CLIC5: variants seen among roughly 807,000 people sequenced by gnomAD.
CLIC5 encodes the protein chloride intracellular channel protein 5.
CLIC5 carries 20 observed loss-of-function variants against 24.7 expected under a neutral mutation model. The observed-to-expected ratio is 0.81, with a 90% confidence interval of 0.57 to 1.18. The LOEUF (loss-of-function observed/expected upper bound fraction) is 1.18. Among genes scored for constraint, CLIC5 ranks in the 50% most tolerant of loss-of-function variants. The pLI is 0.00. For missense variants in CLIC5, 341 were observed against 326.1 expected (o/e 1.05, Z -0.35); for synonymous variants, 159 against 135.6 (o/e 1.17, Z -1.20).
the CLIC5 span, among the ~76,000 whole-genome samples, chr6:46,114,232 C>T: frequency 6.6e-6 from 1 of 152,134 alleles, no homozygotes; most frequent in Non-Finnish European, 1.5e-5. Context: ...TCTAGTTTGT[C>T]CGCTATTGCC....
intron 1 of CLIC5, among the ~76,000 whole-genome samples, chr6:46,009,583 T>C (rs897406811): frequency 2.6e-5 from 4 of 152,182 alleles, no homozygotes; most frequent in Admixed American, 6.5e-5. Context: ...TTCTGGGTAA[T>C]AGTTTTTTAA....
chr6:46,081,798 G>A (rs940257876), upstream of CLIC5, among the ~76,000 whole-genome samples: 16 of 152,254 alleles, frequency 1.1e-4, no homozygotes, highest in South Asian at 4.1e-4. Flanking sequence ...ACTTAATGGC[G>A]GAGCTGACTT....
intron 2 of CLIC5, among the ~76,000 whole-genome samples, chr6:45,954,272 C>CAAAAAA (rs11311720): frequency 3.9e-5 from 3 of 76,530 alleles, no homozygotes; most frequent in African/African-American, 8.9e-5. Context: ...GACTCTGTCT[C>CAAAAAA]AAAAAAAAAA....
chr6:45,958,429 TATATATATATATATATATA>T (rs1764724184), intron 1 of CLIC5, among the ~76,000 whole-genome samples: 4 of 4,658 alleles, frequency 8.6e-4, no homozygotes, highest in African/African-American at 1.2e-3. Flanking sequence ...CAATTATATA[TATATATATATATATATATA>T]TATATATATA....
chr6:46,129,370 C>G, the CLIC5 span: 1 of 152,206 alleles, frequency 6.6e-6, no homozygotes, highest in African/African-American at 2.4e-5. Context: ...ATTAAATAAC[C>G]TTCCAATTAA....
chr6:45,987,098 GA>G (rs1224168216), intron 1 of CLIC5, among the ~76,000 whole-genome samples: 53 of 152,170 alleles, frequency 3.5e-4, no homozygotes, highest in Admixed American at 3.4e-3. Context: ...ATAGCAACAT[GA>G]GTGGCACTGT....
intron 1 of CLIC5, among the ~76,000 whole-genome samples, chr6:45,996,271 A>G (rs1018786481): frequency 1.3e-5 from 2 of 152,126 alleles, no homozygotes; most frequent in Admixed American, 1.3e-4. Flanking sequence ...AGTAGGTTGC[A>G]AAAATTTTCT....
At chr6:45,976,746 C>T (rs1044956888) in intron 1 of CLIC5, among the ~76,000 whole-genome samples, 1 of 152,144 alleles carries the variant, frequency 6.6e-6, no homozygotes, top group Non-Finnish European at 1.5e-5. Flanking sequence ...AATAATCACT[C>T]CAGACTCTGT....
intron 1 of CLIC5, among the ~76,000 whole-genome samples, chr6:46,054,906 G>A (rs1462149702): frequency 6.6e-6 from 1 of 152,168 alleles, no homozygotes; most frequent in Non-Finnish European, 1.5e-5. Context: ...GTTTTGTCAT[G>A]GCAGCCTGAG....
chr6:46,126,144 G>A, the CLIC5 span, among the ~76,000 whole-genome samples: 4 of 152,116 alleles, frequency 2.6e-5, no homozygotes, highest in Non-Finnish European at 4.4e-5. Context: ...AGTCTGCCCC[G>A]TGGATGAGGG....
At chr6:46,079,926 G>A in exon 1 of CLIC5, 1 of 1,551,776 alleles carries the variant, frequency 6.4e-7, no homozygotes, top group Non-Finnish European at 8.7e-7. Flanking sequence ...CCCTTCCATT[G>A]AGATGCCCCT....
At chr6:45,922,801 G>A (rs1175887096) in intron 4 of CLIC5, among the ~76,000 whole-genome samples, 2 of 150,744 alleles carry the variant, frequency 1.3e-5, no homozygotes, top group Non-Finnish European at 2.9e-5. Context: ...AACAGGAGAA[G>A]GGAGGAAGAG....
At chr6:46,002,020 G>A (rs78593057) in intron 1 of CLIC5, among the ~76,000 whole-genome samples, 107 of 152,062 alleles carry the variant, frequency 7.0e-4, no homozygotes, top group African/African-American at 2.5e-3. Context: ...CCCCACACCA[G>A]GGAGTAAACT....
chr6:46,053,655 C>T (rs1768165416), intron 1 of CLIC5, among the ~76,000 whole-genome samples: 1 of 152,112 alleles, frequency 6.6e-6, no homozygotes, highest in Admixed American at 6.5e-5. Context: ...TGTTGGAAAA[C>T]ACCAGGCAAT....
chr6:45,990,122 A>G (rs539072340), intron 1 of CLIC5, among the ~76,000 whole-genome samples: 1 of 152,308 alleles, frequency 6.6e-6, no homozygotes, highest in Non-Finnish European at 1.5e-5. Flanking sequence ...TGTTAGGACA[A>G]TTAAATTATA....
At chr6:45,964,066 C>T (rs1167755484) in intron 1 of CLIC5, among the ~76,000 whole-genome samples, 2 of 152,164 alleles carry the variant, frequency 1.3e-5, no homozygotes, top group Non-Finnish European at 2.9e-5. Flanking sequence ...GAATGGTTCT[C>T]ATATGTTAAT....
chr6:45,920,728 G>C, intron 4 of CLIC5: 1 of 890,510 alleles, frequency 1.1e-6, no homozygotes, highest in Non-Finnish European at 1.3e-6. Flanking sequence ...AGATCAGATG[G>C]ACTAGGCCAA....
At chr6:45,958,575 A>T (rs1342637765) in intron 1 of CLIC5, among the ~76,000 whole-genome samples, 4 of 150,714 alleles carry the variant, frequency 2.7e-5, no homozygotes, top group African/African-American at 9.7e-5. Context: ...TACAGTGTAT[A>T]TAACAACTTA....
chr6:45,970,427 A>G (rs1182201272), intron 1 of CLIC5, among the ~76,000 whole-genome samples: 1 of 152,226 alleles, frequency 6.6e-6, no homozygotes, highest in East Asian at 1.9e-4. Context: ...ACCGAGCTGT[A>G]ATTGGAAAGG....
Sources: allele counts gnomAD v4.1 joint callset (sites outside exome capture counted in the v4.1 genomes callset), GRCh38; gene constraint gnomAD v4.1.1; transcripts MANE v1.5; gene names NCBI Gene and HGNC (gene_info 2026-07-23, HGNC 2026-07-21).